NOS1AP: variants seen among roughly 807,000 people sequenced by gnomAD.
NOS1AP encodes nitric oxide synthase 1 adaptor protein.
In NOS1AP, 21 loss-of-function variants were observed where a neutral mutation model predicts 56.2. The observed-to-expected ratio is 0.37, with a 90% CI of 0.26 to 0.54. The LOEUF (loss-of-function observed/expected upper bound fraction) is 0.54, where lower values mean the gene tolerates loss of function less well. NOS1AP is among the 20% of genes least tolerant of loss of function. The pLI, the probability that NOS1AP is intolerant of heterozygous loss-of-function variation, is 0.84. For synonymous variants in NOS1AP, 270 were observed against 274.6 expected, an observed-to-expected ratio of 0.98 and a Z score of 0.17; for missense variants, 522 against 657.8, an observed-to-expected ratio of 0.79 and a Z score of 2.26.
chr1:162,243,881 T>C (rs551903875), intron 2 of NOS1AP, among the ~76,000 whole-genome samples: 2 of 152,088 alleles, frequency 1.3e-5, no homozygotes, highest in Middle Eastern at 3.4e-3. Flanking sequence ...TCAAAGGGGG[T>C]GTGAGTGGCA....
At chr1:162,248,651 A>G (rs978298836) in intron 2 of NOS1AP, among the ~76,000 whole-genome samples, 1 of 152,152 alleles carries the variant, frequency 6.6e-6, no homozygotes, top group African/African-American at 2.4e-5. Context: ...GATGAGCCTC[A>G]CAACTGAATG....
chr1:162,310,508 T>C (rs889761495), intron 4 of NOS1AP, among the ~76,000 whole-genome samples: 2 of 152,242 alleles, frequency 1.3e-5, no homozygotes, highest in African/African-American at 4.8e-5. Flanking sequence ...TCCATCACTC[T>C]AGTCATGAGT....
chr1:162,227,339 T>C (rs900003225), intron 2 of NOS1AP, among the ~76,000 whole-genome samples: 2 of 152,244 alleles, frequency 1.3e-5, no homozygotes, highest in Admixed American at 6.5e-5. Context: ...TTCAGAATTA[T>C]TTCTTCTGTT....
At chr1:162,135,321 A>G (rs1648945367) in intron 1 of NOS1AP, among the ~76,000 whole-genome samples, 1 of 152,334 alleles carries the variant, frequency 6.6e-6, no homozygotes, top group African/African-American at 2.4e-5. Flanking sequence ...CTACTCAAGG[A>G]CAGTGTGGAT....
intron 1 of NOS1AP, among the ~76,000 whole-genome samples, chr1:162,077,512 A>G (rs1459955103): frequency 1.3e-5 from 2 of 152,220 alleles, no homozygotes; most frequent in Admixed American, 1.3e-4. Context: ...TCCCTTATAT[A>G]GATTTGCAAT....
chr1:162,328,100 T>C (rs1365547999), intron 4 of NOS1AP, among the ~76,000 whole-genome samples: 2 of 152,214 alleles, frequency 1.3e-5, no homozygotes, highest in Non-Finnish European at 2.9e-5. Flanking sequence ...CCCAAGCCCA[T>C]GCTCTTTCCA....
chr1:162,312,267 T>C (rs1302636047), intron 4 of NOS1AP, among the ~76,000 whole-genome samples: 152 of 133,284 alleles, frequency 1.1e-3, no homozygotes, highest in South Asian at 3.2e-3. Flanking sequence ...TTTTTAATGA[T>C]TGCCATTCTA....
chr1:162,135,259 G>C (rs1372272180), intron 1 of NOS1AP, among the ~76,000 whole-genome samples: 1 of 152,168 alleles, frequency 6.6e-6, no homozygotes, highest in Non-Finnish European at 1.5e-5. Context: ...GTCCTCAGAG[G>C]TATTGGTTGC....
At chr1:162,268,950 A>C (rs1046184569) in intron 2 of NOS1AP, among the ~76,000 whole-genome samples, 2 of 152,214 alleles carry the variant, frequency 1.3e-5, no homozygotes, top group African/African-American at 4.8e-5. Context: ...TGGCCTAAGA[A>C]CCAATACAAG....
At chr1:162,159,296 ATGTAACTGC>A (rs1650100098) in intron 2 of NOS1AP, among the ~76,000 whole-genome samples, 2 of 152,206 alleles carry the variant, frequency 1.3e-5, no homozygotes, top group Admixed American at 1.3e-4. Context: ...TTGGTGAGGC[ATGTAACTGC>A]TGTTAATCTC....
intron 4 of NOS1AP, among the ~76,000 whole-genome samples, chr1:162,321,049 T>C (rs1390281872): frequency 6.6e-6 from 1 of 151,982 alleles, no homozygotes; most frequent in Non-Finnish European, 1.5e-5. Flanking sequence ...TCTCCTAGGG[T>C]GTTTATGGTT....
chr1:162,312,476 G>T (rs1393750070), intron 4 of NOS1AP, among the ~76,000 whole-genome samples: 27 of 125,218 alleles, frequency 2.2e-4, no homozygotes, highest in Admixed American at 5.8e-4. Flanking sequence ...GTAGATTCTG[G>T]ATATTAGCCC....
At chr1:162,264,186 G>T (rs1006887127) in intron 2 of NOS1AP, among the ~76,000 whole-genome samples, 2 of 152,040 alleles carry the variant, frequency 1.3e-5, no homozygotes, top group African/African-American at 4.8e-5. Flanking sequence ...TTCTCTCTTA[G>T]GGTAAAGGCC....
At chr1:162,090,200 GA>G (rs1421039038) in intron 1 of NOS1AP, among the ~76,000 whole-genome samples, 1 of 150,836 alleles carries the variant, frequency 6.6e-6, no homozygotes, top group Non-Finnish European at 1.5e-5. Context: ...CTTTGTATGC[GA>G]AAGGTCAAAA....
chr1:162,089,288 G>T (rs1692076674), intron 1 of NOS1AP, among the ~76,000 whole-genome samples: 1 of 152,086 alleles, frequency 6.6e-6, no homozygotes, highest in Non-Finnish European at 1.5e-5. Context: ...TGAGAATTCT[G>T]GTTTTCAAAT....
At chr1:162,223,194 G>C (rs1462872045) in intron 2 of NOS1AP, among the ~76,000 whole-genome samples, 2 of 152,156 alleles carry the variant, frequency 1.3e-5, no homozygotes, top group African/African-American at 4.8e-5. Context: ...CTTTAGAATG[G>C]AGAGAATCTA....
At chr1:162,195,607 A>G (rs147732217) in intron 2 of NOS1AP, among the ~76,000 whole-genome samples, 11 of 151,956 alleles carry the variant, frequency 7.2e-5, no homozygotes, top group African/African-American at 2.7e-4. Context: ...CCCTTTGTAC[A>G]CTCTTTCTGC....
intron 1 of NOS1AP, among the ~76,000 whole-genome samples, chr1:162,139,520 T>A (rs1266035014): frequency 1.3e-5 from 2 of 152,062 alleles, no homozygotes; most frequent in Non-Finnish European, 2.9e-5. Flanking sequence ...CTTTGTTGAA[T>A]GGGATATATG....
At chr1:162,112,977 C>T (rs1228817715) in intron 1 of NOS1AP, among the ~76,000 whole-genome samples, 1 of 152,192 alleles carries the variant, frequency 6.6e-6, no homozygotes, top group Non-Finnish European at 1.5e-5. Context: ...AGCTTCTGAG[C>T]TCCTTCATTA....
Sources: gnomAD v4.1 joint callset for allele counts (sites outside exome capture counted in the v4.1 genomes callset) on GRCh38, gnomAD v4.1.1 for gene constraint, MANE v1.5 for transcripts, NCBI Gene and HGNC (gene_info 2026-07-23, HGNC 2026-07-21) for gene names.